The following PCLO variants were observed in gnomAD, a reference collection of about 807,000 sequenced individuals.
PCLO encodes protein piccolo.
PCLO carries 82 observed loss-of-function variants against 427.5 expected under a neutral mutation model. That is an observed-to-expected ratio of 0.19 (90% CI 0.16 to 0.23). The LOEUF (loss-of-function observed/expected upper bound fraction) is 0.23, where lower values mean the gene tolerates loss of function less well. Ranked by LOEUF, PCLO falls within the 10% of genes least tolerant of loss-of-function variation. The probability of loss-of-function intolerance (pLI) is 1.00; values close to 1 mark genes in which losing one functional copy is unlikely to be tolerated. For synonymous variants in PCLO, 2,357 were observed against 2,155.4 expected (o/e 1.09, Z -2.59); for missense variants, 6,239 against 6,115.9 (o/e 1.02, Z -0.67).
At chr7:83,043,912 C>CTTTTTTTTTTTTTTTTTTTTTTTTTTTTT (rs869061778) in intron 3 of PCLO, among the ~76,000 whole-genome samples, 1 of 94,910 alleles carries the variant, frequency 1.1e-5, no homozygotes, top group Non-Finnish European at 2.0e-5. Flanking sequence ...CTATTATTTT[C>CTTTTTTTTTTTTTTTTTTTTTTTTTTTTT]TTTTTTTTTT....
intron 2 of PCLO, among the ~76,000 whole-genome samples, chr7:83,147,982 T>C (rs986050883): frequency 3.3e-5 from 5 of 152,194 alleles, no homozygotes; most frequent in Non-Finnish European, 5.9e-5. Context: ...GTGAATTTTT[T>C]CATAAGACAA....
chr7:82,846,540 A>G, intron 12 of PCLO, 27 bp downstream of exon 12: 3 of 1,451,316 alleles, frequency 2.1e-6, no homozygotes, highest in Non-Finnish European at 2.9e-6. Context: ...CTTTATTTAC[A>G]GTTGAAACTA....
chr7:82,893,190 T>C (rs1793814148), intron 9 of PCLO, among the ~76,000 whole-genome samples: 1 of 152,056 alleles, frequency 6.6e-6, no homozygotes, highest in South Asian at 2.1e-4. Flanking sequence ...CCAACAATGA[T>C]AGACTGGATT....
chr7:83,004,081 C>T (rs1267702685), intron 3 of PCLO, among the ~76,000 whole-genome samples: 1 of 151,640 alleles, frequency 6.6e-6, no homozygotes, highest in Non-Finnish European at 1.5e-5. Flanking sequence ...TCGCACCTAA[C>T]CACATTCTCA....
In PCLO at chr7:82,953,630, T is replaced by G; in HGVS notation, c.7323A>C (p.Lys2441Asn). Reference sequence around the variant, plus strand: ...TCACTGGAGATGCAACTGTTAACTTTTTTTTAGGAAGAATAGTTGGTTTAG... The same window carrying G: ...TCACTGGAGATGCAACTGTTAACTTGTTTTTAGGAAGAATAGTTGGTTTAG... ...TSPKPTILPK[K>N]KLTVASPVTT... Residue 2441 changes from lysine to asparagine, a missense_variant, in exon 5 of 25, where the codon AAA (lysine) becomes AAC (asparagine). Physicochemically the swap from Lys to Asn is moderately conservative, Grantham distance 94. Around this residue, in one of 5 missense-constraint regions of PCLO, gnomAD observed 4,677 missense variants for 4,468.4 expected, o/e 1.05. Transcript: ENST00000333891. 1 of 1,607,492 alleles carries G rather than the reference T, an allele frequency of 6.2e-7. No individual in the cohort carries two copies. The highest frequency in any genetic ancestry group is 8.5e-7 in the Non-Finnish European group (1 of 1,177,544).
At chr7:83,147,053 GGTATAAAAAAA>G (rs1792012690) in intron 2 of PCLO, among the ~76,000 whole-genome samples, 1 of 143,350 alleles carries the variant, frequency 7.0e-6, no homozygotes, top group Admixed American at 7.1e-5. Context: ...AAAAGCTGAA[GGTATAAAAAAA>G]AAATAAAAAA....
chr7:83,125,002 C>T (rs923758817), intron 3 of PCLO, among the ~76,000 whole-genome samples: 4 of 152,170 alleles, frequency 2.6e-5, no homozygotes, highest in East Asian at 1.9e-4. Context: ...GTGATCTGCC[C>T]GCCTTGGCCT....
At position 82,887,659 on chromosome 7, in the gene PCLO, G is replaced by A. The variant is rs78764570; in HGVS notation, c.13529-8197C>T. On this transcript the variant is annotated intron_variant, in intron 9 of 24. Coordinates refer to ENST00000333891, the MANE Select transcript of PCLO (RefSeq NM_033026.6). ...AATGTTTCTGTGGAACTCACCCTGA[G>A]AATAAAAACTTCCTTTGTTACTGAG... is the stretch of plus-strand genomic sequence containing the variant. Among the ~76,000 whole-genome samples the A allele has an allele frequency of 8.1e-3, 1,233 of 152,254 alleles. 21 individuals are homozygous for A. Among genetic ancestry groups the A allele is most frequent in the African/African-American group, 0.027 (1,116 of 41,554 alleles).
At chr7:83,025,662 C>A (rs1788474754) in intron 3 of PCLO, among the ~76,000 whole-genome samples, 1 of 150,830 alleles carries the variant, frequency 6.6e-6, no homozygotes, top group Non-Finnish European at 1.5e-5. Flanking sequence ...TCAGATTCAC[C>A]AAAGTTGAAA....
At chr7:82,776,906 GCACA>G (rs59900491) in intron 22 of PCLO, among the ~76,000 whole-genome samples, 4,306 of 139,286 alleles carry the variant, frequency 0.031, 107 homozygotes, top group African/African-American at 0.064. Flanking sequence ...ATAGATATAC[GCACA>G]CACACACACA....
At chr7:83,025,919 C>T (rs1788482092) in intron 3 of PCLO, among the ~76,000 whole-genome samples, 1 of 151,692 alleles carries the variant, frequency 6.6e-6, no homozygotes, top group African/African-American at 2.4e-5. Context: ...GATTTTGTCA[C>T]CACCAGGCCT....
chr7:83,065,906 G>T (rs1789659460), intron 3 of PCLO, among the ~76,000 whole-genome samples: 1 of 152,018 alleles, frequency 6.6e-6, no homozygotes. Flanking sequence ...ACGTTAATTT[G>T]ATTATCTTCT....
Position 83,064,435 on chromosome 7 carries a change from C to T in PCLO, c.3300+69815G>A, listed in dbSNP as rs1028063417. Among the ~76,000 whole-genome samples the T allele has an allele frequency of 4.6e-5, 7 of 152,052 alleles. No individual in the cohort carries two copies. In the East Asian group the frequency reaches 7.7e-4, roughly 17 times the overall value. On this transcript the variant is annotated intron_variant, in intron 3 of 24. Transcript: ENST00000333891. ...ACTTTAAATGGCAGGCTATGGATTT[C>T]GGATTCTCTTTGAGGATGCAACATG...
intron 20 of PCLO, among the ~76,000 whole-genome samples, chr7:82,812,306 G>C (rs1442266337): frequency 6.6e-6 from 1 of 151,510 alleles, no homozygotes; most frequent in Non-Finnish European, 1.5e-5. Flanking sequence ...AAATGAAAAT[G>C]AAGTTAGCTT....
intron 2 of PCLO, among the ~76,000 whole-genome samples, chr7:83,137,196 T>C (rs531867124): frequency 2.0e-5 from 3 of 152,298 alleles, no homozygotes; most frequent in African/African-American, 4.8e-5. Context: ...GAAAAACAAA[T>C]TGAATTAATC....
In PCLO at chr7:82,915,257, A is replaced by G; in HGVS notation, c.12729T>C (p.Phe4243=). 6.2e-7 allele frequency: 1 copy of G among 1,613,540 alleles called. No individual in the cohort carries two copies. Among genetic ancestry groups the G allele is most frequent in the South Asian group, 1.1e-5 (1 of 91,066 alleles). Reference sequence around the variant, plus strand: ...GGTCTGTAATATTTTTTCTGAGGCCAAAAGTGATGTCATCTTGAAGGAGCC... The same window carrying G: ...GGTCTGTAATATTTTTTCTGAGGCCGAAAGTGATGTCATCTTGAAGGAGCC... ...RARLLQDDIT[F]GLRKNITDQQ... The change falls in exon 7 of 25, where the codon TTT becomes TTC. Residue 4243 remains phenylalanine (F), a synonymous_variant. Transcript: ENST00000333891.
intron 20 of PCLO, chr7:82,820,878 A>G: frequency 8.1e-7 from 1 of 1,230,974 alleles, no homozygotes; most frequent in Non-Finnish European, 1.0e-6. Flanking sequence ...TTTCCCAACA[A>G]AAGTCAAAAG....
At chr7:83,059,357 A>ATATATATATAT (rs1789482773) in intron 3 of PCLO, among the ~76,000 whole-genome samples, 1 of 111,816 alleles carries the variant, frequency 8.9e-6, no homozygotes, top group Non-Finnish European at 1.7e-5. Context: ...ACACCTTTAA[A>ATATATATATAT]ATATATATAT....
intron 3 of PCLO, among the ~76,000 whole-genome samples, chr7:83,056,161 C>A (rs1279054223): frequency 1.3e-5 from 2 of 152,198 alleles, no homozygotes; most frequent in African/African-American, 2.4e-5. Context: ...ACACCTCAGA[C>A]TGAATCTCAG....
Sources: gnomAD v4.1 joint callset for allele counts (sites outside exome capture counted in the v4.1 genomes callset) on GRCh38, gnomAD v4.1.1 for gene constraint, gnomAD v4.1.1 regional missense constraint, MANE v1.5 for transcripts, NCBI Gene and HGNC (gene_info 2026-07-23, HGNC 2026-07-21) for gene names.